Variants in FILIP1 observed in about 807,000 individuals in gnomAD.
FILIP1 encodes filamin A interacting protein 1.
A neutral mutation model predicts 102.1 loss-of-function variants in FILIP1; 61 were observed. The observed-to-expected ratio is 0.60, with a 90% confidence interval of 0.49 to 0.74. FILIP1 has a LOEUF of 0.74. Among genes scored for constraint, FILIP1 ranks in the 30% least tolerant of loss-of-function variants. The probability of loss-of-function intolerance (pLI) is 0.00; values close to 1 mark genes in which losing one functional copy is unlikely to be tolerated. For synonymous variants in FILIP1, 491 were observed against 526.9 expected (o/e 0.93, Z 0.93); for missense variants, 1,314 against 1,441.2 (o/e 0.91, Z 1.43).
chr6:75,384,502 GGCTAGTTGC>G (rs1374203068), intron 2 of FILIP1, among the ~76,000 whole-genome samples: 1 of 151,954 alleles, frequency 6.6e-6, no homozygotes, highest in Non-Finnish European at 1.5e-5. Flanking sequence ...CAAAGTATGT[GGCTAGTTGC>G]TGTGGTGAAT....
intron 2 of FILIP1, among the ~76,000 whole-genome samples, chr6:75,373,644 A>C (rs1775650621): frequency 6.6e-6 from 1 of 151,186 alleles, no homozygotes; most frequent in African/African-American, 2.5e-5. Flanking sequence ...CACCTGCCTA[A>C]AAAAATCAAC....
chr6:75,295,690 T>C (rs1772649111), exon 7 of FILIP1: 11 of 366,258 alleles, frequency 3.0e-5, no homozygotes, highest in South Asian at 1.4e-4. Flanking sequence ...AAATTTCTTT[T>C]GGCACATAGA....
chr6:75,311,536 A>G (rs1773186026), intron 5 of FILIP1, among the ~76,000 whole-genome samples: 1 of 152,016 alleles, frequency 6.6e-6, no homozygotes, highest in Admixed American at 6.6e-5. Flanking sequence ...TTGCTCTGTC[A>G]CCCAGGCTGG....
At chr6:75,292,465 AACAC>A (rs1772567780) in exon 7 of FILIP1, 1 of 152,118 alleles carries the variant, frequency 6.6e-6, no homozygotes, top group Non-Finnish European at 1.5e-5. Context: ...TTCTCTAGGT[AACAC>A]ACACAGTTGT....
In FILIP1 at chr6:75,413,435, A is replaced by G. The variant is rs1375859999; in HGVS notation, c.276+1262T>C. ...ATTTTATCTTTTGCTGTGAAATGCC[A>G]ATGTGATTTTTCTCAGTCTGTAAAT... On this transcript the variant is annotated intron_variant, in intron 2 of 5. Transcript: ENST00000237172. Among the ~76,000 whole-genome samples the G allele has an allele frequency of 7.9e-5, 12 of 152,148 alleles. No homozygotes were observed. In the East Asian group the frequency reaches 2.3e-3, roughly 29 times the overall value.
Position 75,314,693 on chromosome 6 carries a change from A to T in FILIP1, c.1139T>A (p.Val380Glu), listed in dbSNP as rs1773364220. Residue 380 changes from valine (V) to glutamate (E), a missense_variant, in exon 5 of 6, where the codon GTG becomes GAG. Physicochemically the swap from Val to Glu is moderately radical, Grantham distance 121. Transcript: ENST00000237172. The part of the protein sequence containing the change: ...ECGNSSLMAE[V>E]ENLRKRVLEM... ...AAGCACACGCTTTCGAAGATTTTCCACTTCTGCCATGAGGCTAGAGTTTCC... is the reference window on the plus strand; with the variant it reads ...AAGCACACGCTTTCGAAGATTTTCCTCTTCTGCCATGAGGCTAGAGTTTCC... 2 of 1,613,626 alleles carry T rather than the reference A, an allele frequency of 1.2e-6. No individual in the cohort carries two copies. Among genetic ancestry groups the T allele is most frequent in the Admixed American group, 3.3e-5 (2 of 59,914 alleles).
intron 4 of FILIP1, among the ~76,000 whole-genome samples, chr6:75,322,570 C>T (rs1773699591): frequency 6.6e-6 from 1 of 152,188 alleles, no homozygotes; most frequent in African/African-American, 2.4e-5. Flanking sequence ...AAATTTTCTG[C>T]AAGCATTTAG....
rs200443301 is a variant in FILIP1 at position 75,473,524 on chromosome 6, G to GA, written c.-7+19889dup. ...CAGAAATTACTCTCCAGTGTTTCAA[G>GA]AAAAAAAAAAGCCTTTGTCTGTGCT... On this transcript the variant is annotated intron_variant, in intron 1 of 5. Transcript: ENST00000237172. 9.5e-4 allele frequency among the ~76,000 whole-genome samples: 138 copies of GA among 145,618 alleles called. 1 individual carries two copies. The highest frequency in any genetic ancestry group is 7.1e-3 in the Middle Eastern group (2 of 280).
At chr6:75,449,323 G>A (rs775422723) in intron 1 of FILIP1, among the ~76,000 whole-genome samples, 2 of 152,052 alleles carry the variant, frequency 1.3e-5, no homozygotes, top group South Asian at 2.1e-4. Flanking sequence ...TGGGGACTTG[G>A]GGGGAAAGGA....
intron 1 of FILIP1, among the ~76,000 whole-genome samples, chr6:75,485,997 AT>A (rs1779777952): frequency 1.2e-5 from 1 of 82,410 alleles, no homozygotes; most frequent in Non-Finnish European, 2.1e-5. Context: ...ACACACACAC[AT>A]ACACACACAC....
intron 1 of FILIP1, among the ~76,000 whole-genome samples, chr6:75,438,070 A>T (rs985700521): frequency 6.6e-6 from 1 of 152,246 alleles, no homozygotes; most frequent in Non-Finnish European, 1.5e-5. Flanking sequence ...TATGTGGCAC[A>T]GTGACAGTTG....
intron 1 of FILIP1, among the ~76,000 whole-genome samples, chr6:75,419,735 A>G (rs1391920153): frequency 6.6e-6 from 1 of 152,202 alleles, no homozygotes; most frequent in Non-Finnish European, 1.5e-5. Flanking sequence ...CAAAAGACCA[A>G]TTAAATCAAC....
chr6:75,425,582 C>T (rs979386679), intron 1 of FILIP1, among the ~76,000 whole-genome samples: 2 of 152,098 alleles, frequency 1.3e-5, no homozygotes, highest in African/African-American at 2.4e-5. Context: ...CATTTGTTTC[C>T]TTAACATGCT....
At chr6:75,453,351 A>T (rs902246193) in intron 1 of FILIP1, among the ~76,000 whole-genome samples, 3 of 152,198 alleles carry the variant, frequency 2.0e-5, no homozygotes, top group Non-Finnish European at 2.9e-5. Flanking sequence ...AAGTTAATTG[A>T]GATTTTGATG....
intron 6 of FILIP1, among the ~76,000 whole-genome samples, chr6:75,298,600 C>T (rs1347894533): frequency 6.6e-6 from 1 of 152,132 alleles, no homozygotes; most frequent in East Asian, 1.9e-4. Flanking sequence ...AGCCAATGCA[C>T]AAAATTGTGA....
chr6:75,372,698 A>G (rs1166026502), intron 2 of FILIP1, among the ~76,000 whole-genome samples: 6 of 54,212 alleles, frequency 1.1e-4, no homozygotes, highest in African/African-American at 7.9e-4. Context: ...AAAGAAAGAG[A>G]AAGAAAGAAA....
chr6:75,492,985 G>T (rs1032697412), intron 1 of FILIP1, among the ~76,000 whole-genome samples: 3 of 152,128 alleles, frequency 2.0e-5, no homozygotes, highest in African/African-American at 7.2e-5. Flanking sequence ...ACACCATGCG[G>T]GACTTTCCTC....
intron 2 of FILIP1, among the ~76,000 whole-genome samples, chr6:75,384,259 T>C (rs1776005164): frequency 6.6e-6 from 1 of 152,218 alleles, no homozygotes; most frequent in Non-Finnish European, 1.5e-5. Flanking sequence ...TTGTTTGAAA[T>C]AACAATTTCC....
intron 1 of FILIP1, among the ~76,000 whole-genome samples, chr6:75,488,455 AACATAATCCAATAT>A (rs1311800501): frequency 6.6e-6 from 1 of 151,982 alleles, no homozygotes; most frequent in Non-Finnish European, 1.5e-5. Flanking sequence ...AAAAAAAAAA[AACATAATCCAATAT>A]ACTTTCCTGA....
Sources: gnomAD v4.1 joint callset for allele counts (sites outside exome capture counted in the v4.1 genomes callset) on GRCh38, gnomAD v4.1.1 for gene constraint, MANE v1.5 for transcripts, NCBI Gene and HGNC (gene_info 2026-07-23, HGNC 2026-07-21) for gene names.